The following THADA variants were observed in gnomAD, a reference collection of about 807,000 sequenced individuals.
The protein encoded by THADA is tRNA (32-2'-O)-methyltransferase regulator THADA.
THADA carries 213 observed loss-of-function variants against 219.8 expected under a neutral mutation model. The observed-to-expected ratio is 0.97, with a 90% CI of 0.87 to 1.09. The LOEUF is 1.09. THADA is among the 50% of genes least tolerant of loss of function. THADA has a pLI of 0.00. For missense variants in THADA, 2,956 were observed against 2,311.3 expected, an observed-to-expected ratio of 1.28 and a Z score of -5.72; for synonymous variants, 1,018 against 828.9, an observed-to-expected ratio of 1.23 and a Z score of -3.92.
chr2:43,563,935 C>T lies in THADA; in HGVS notation c.2311+2763G>A, dbSNP rs965219885. ...CAGTTGTCTAACATAATTACGATGG[C>T]ATTAAGTCACTGCCCAATTACATGC... is the stretch of plus-strand genomic sequence containing the variant. On this transcript the variant is annotated intron_variant, in intron 15 of 37. Transcript: ENST00000405975. The T allele has an allele frequency of 4.6e-5, 7 of 152,274 alleles. 1 individual carries two copies. The highest frequency in any genetic ancestry group is 6.5e-5 in the Admixed American group (1 of 15,306). The allele number at this position is 152,274 out of a possible 1,614,324, so 9.4% of individuals were successfully genotyped here. A position where few individuals can be genotyped will look rare whatever the true frequency, so the allele number is the denominator to read the frequency against.
Position 43,520,414 on chromosome 2 carries a change from G to A in THADA, c.3374+7465C>T, listed in dbSNP as rs117703327. 1.3e-3 allele frequency among the ~76,000 whole-genome samples: 192 copies of A among 152,196 alleles called. 3 individuals are homozygous for A. The East Asian group carries it at 0.03, about 24-fold the overall frequency. ...ATTAATCTACAAAATATGGCCAGGC[G>A]CGGTGGCTCATGCTTGTAATCCCAA... On this transcript the variant is annotated intron_variant, in intron 22 of 37. Transcript: ENST00000405975.
chr2:43,505,628 G>A lies in THADA; in HGVS notation c.3615C>T (p.Val1205=), dbSNP rs776718677. 7 of 1,583,736 alleles carry A rather than the reference G, an allele frequency of 4.4e-6. No individual in the cohort carries two copies. The highest frequency in any genetic ancestry group is 5.2e-6 in the Non-Finnish European group (6 of 1,160,524). ...TGTGTATTTCCATGATTACCTGGGG[G>A]ACTGTACTCTGTATGTCATCTGTAG... ...AGPTDDIQST[V]PQVHALNILR... is the part of the protein sequence containing the mutation. The change falls in exon 24 of 38, where the codon GTC becomes GTT. Residue 1205 remains valine (V), a synonymous_variant. Transcript: ENST00000405975.
chr2:43,368,035 T>C (rs1198304660), intron 29 of THADA, among the ~76,000 whole-genome samples: 1 of 152,102 alleles, frequency 6.6e-6, no homozygotes, highest in Admixed American at 6.5e-5. Flanking sequence ...GGAGAATCAC[T>C]TGAACCCGGG....
chr2:43,373,372 A>G (rs1037122988), intron 29 of THADA, among the ~76,000 whole-genome samples: 1 of 152,190 alleles, frequency 6.6e-6, no homozygotes, highest in East Asian at 1.9e-4. Context: ...GCAAGTTATT[A>G]TTGGCATCCA....
intron 10 of THADA, among the ~76,000 whole-genome samples, chr2:43,576,514 G>T (rs779416359): frequency 8.5e-5 from 13 of 152,078 alleles, no homozygotes; most frequent in Non-Finnish European, 1.8e-4. Flanking sequence ...GATCACATTA[G>T]ATTACCTATG....
At chr2:43,336,130 C>G (rs1666399331) in intron 30 of THADA, among the ~76,000 whole-genome samples, 1 of 151,602 alleles carries the variant, frequency 6.6e-6, no homozygotes, top group Admixed American at 6.6e-5. Flanking sequence ...TCCAGTGGCA[C>G]ACACCTATAG....
intron 26 of THADA, among the ~76,000 whole-genome samples, chr2:43,467,075 G>A (rs570832745): frequency 3.3e-5 from 5 of 150,640 alleles, no homozygotes; most frequent in African/African-American, 7.3e-5. Context: ...CCAGCTACTC[G>A]GGAGGCTGAG....
At chr2:43,371,921 C>A (rs529924453) in intron 29 of THADA, 1 of 152,092 alleles carries the variant, frequency 6.6e-6, no homozygotes, top group Non-Finnish European at 1.5e-5. Flanking sequence ...ATCTACTCCC[C>A]AAGTCAGTGA....
chr2:43,445,099 C>A (rs1298859309), intron 26 of THADA, among the ~76,000 whole-genome samples: 1 of 152,068 alleles, frequency 6.6e-6, no homozygotes, highest in Admixed American at 6.5e-5. Flanking sequence ...TAAAACCACC[C>A]CACAAGAGAG....
intron 29 of THADA, among the ~76,000 whole-genome samples, chr2:43,390,150 C>G (rs745440943): frequency 2.0e-5 from 3 of 152,328 alleles, no homozygotes; most frequent in Admixed American, 6.5e-5. Context: ...GGATACTTTG[C>G]TCTTTGCCTA....
chr2:43,524,224 T>G (rs2103705190), intron 22 of THADA, among the ~76,000 whole-genome samples: 1 of 152,338 alleles, frequency 6.6e-6, no homozygotes, highest in East Asian at 1.9e-4. Context: ...CTATTTGTGT[T>G]ATGTGTGTTG....
chr2:43,426,210 T>C (rs992905065), intron 28 of THADA, among the ~76,000 whole-genome samples: 7 of 152,312 alleles, frequency 4.6e-5, no homozygotes, highest in African/African-American at 7.2e-5. Flanking sequence ...AGCATTCTGA[T>C]TATATGTAAA....
At chr2:43,514,177 C>T (rs978739086) in intron 22 of THADA, among the ~76,000 whole-genome samples, 5 of 151,720 alleles carry the variant, frequency 3.3e-5, no homozygotes, top group African/African-American at 1.2e-4. Flanking sequence ...CAGCCAAGCA[C>T]GGTGGCTCAC....
chr2:43,363,059 T>C (rs1280918520), intron 29 of THADA, among the ~76,000 whole-genome samples: 4 of 152,158 alleles, frequency 2.6e-5, no homozygotes, highest in Non-Finnish European at 5.9e-5. Context: ...ATAATCACAA[T>C]GCCTGAGACT....
intron 24 of THADA, 113 bp downstream of exon 24, chr2:43,505,509 G>A (rs568710637): frequency 7.4e-5 from 49 of 666,430 alleles, no homozygotes; most frequent in African/African-American, 7.3e-4. Context: ...AGCTGAGATC[G>A]CGCCACTGTA....
chr2:43,544,622 A>C lies in THADA; in HGVS notation c.3107-3306T>G, dbSNP rs535196293. On this transcript the variant is annotated intron_variant, in intron 20 of 37. Coordinates refer to ENST00000405975, the MANE Select transcript of THADA (RefSeq NM_022065.5). ...TGTAAGTTGGATTCCTAGGTATTTT[A>C]TTCTCTTTGAAGCAATTGTGAATGG... 6.6e-5 allele frequency among the ~76,000 whole-genome samples: 10 copies of C among 150,948 alleles called. No individual in the cohort carries two copies. In the East Asian group the frequency reaches 1.6e-3, roughly 23 times the overall value.
chr2:43,272,548 A>G (rs1274610704), intron 36 of THADA, among the ~76,000 whole-genome samples: 1 of 152,166 alleles, frequency 6.6e-6, no homozygotes, highest in East Asian at 1.9e-4. Context: ...CTTAAATAGT[A>G]AGAAAAATCT....
At position 43,517,467 on chromosome 2, in the gene THADA, A is replaced by G. The variant is rs13430627; in HGVS notation, c.3375-8687T>C. ...CCAATATCTTTATTTACCAAACAAT[A>G]GTTTACTTACAAAGCACAAGAAGGA... On this transcript the variant is annotated intron_variant, in intron 22 of 37. Coordinates refer to ENST00000405975, the MANE Select transcript of THADA (RefSeq NM_022065.5). Among the ~76,000 whole-genome samples the G allele has an allele frequency of 9.4e-3, 1,424 of 152,260 alleles. 26 individuals are homozygous for G. Among genetic ancestry groups the G allele is most frequent in the African/African-American group, 0.033 (1,369 of 41,544 alleles).
chr2:43,542,427 AT>A (rs1191857391), intron 20 of THADA, among the ~76,000 whole-genome samples: 1 of 152,218 alleles, frequency 6.6e-6, no homozygotes, highest in African/African-American at 2.4e-5. Context: ...TAATTTAAAA[AT>A]TTAAGTGTGG....
Sources: allele counts gnomAD v4.1 joint callset (sites outside exome capture counted in the v4.1 genomes callset), GRCh38; gene constraint gnomAD v4.1.1; transcripts MANE v1.5; gene names NCBI Gene and HGNC (gene_info 2026-07-23, HGNC 2026-07-21).